The following IL27RA variants were observed in gnomAD, a reference collection of about 807,000 sequenced individuals.
The protein encoded by IL27RA is interleukin-27 receptor subunit alpha.
Under a neutral mutation model 80.8 loss-of-function variants are expected in IL27RA, and 61 were observed. The observed-to-expected ratio is 0.76, with a 90% CI of 0.61 to 0.93. The LOEUF is 0.93. IL27RA is among the 40% of genes least tolerant of loss of function. The pLI, the probability that IL27RA is intolerant of heterozygous loss-of-function variation, is 0.00. For synonymous variants in IL27RA, 316 were observed against 332.5 expected, an observed-to-expected ratio of 0.95 and a Z score of 0.54; for missense variants, 735 against 808.1, an observed-to-expected ratio of 0.91 and a Z score of 1.10.
At position 14,051,973 on chromosome 19, in the gene IL27RA, G is replaced by C. The variant is rs775010211; in HGVS notation, c.1716G>C (p.Glu572Asp). 2 of 1,584,018 alleles carry C rather than the reference G, an allele frequency of 1.3e-6. No individual in the cohort carries two copies. The highest frequency in any genetic ancestry group is 2.7e-5 in the African/African-American group (2 of 74,406). The change falls in exon 13 of 14, where the codon GAG (glutamate) becomes GAC (aspartate). Residue 572 changes from glutamate to aspartate, a missense_variant and splice_region_variant. Coordinates refer to ENST00000263379, the MANE Select transcript of IL27RA (RefSeq NM_004843.4). ...ANSSSGQPHM[E>D]QVPEAQPLGD... Reference sequence around the variant, plus strand: ...GCAGTTCAGGCCAGCCCCACATGGAGGTGAGTCAAAGGGCCGGCTAGTCGG... The same window carrying C: ...GCAGTTCAGGCCAGCCCCACATGGACGTGAGTCAAAGGGCCGGCTAGTCGG...
intron 2 of IL27RA, among the ~76,000 whole-genome samples, chr19:14,036,289 C>A (rs1288324292): frequency 1.3e-5 from 2 of 151,964 alleles, no homozygotes; most frequent in Non-Finnish European, 2.9e-5. Flanking sequence ...CTATGCCCAG[C>A]CTGAGATTTT....
At chr19:14,051,747 C>T (rs1976168747) in intron 12 of IL27RA, 47 bp downstream of exon 12, 1 of 1,497,508 alleles carries the variant, frequency 6.7e-7, no homozygotes, top group Admixed American at 1.8e-5. Context: ...GGGAAGGCAG[C>T]TGGGCATTTT....
intron 4 of IL27RA, among the ~76,000 whole-genome samples, chr19:14,041,909 T>C (rs535032997): frequency 3.2e-4 from 49 of 151,662 alleles, no homozygotes; most frequent in Admixed American, 6.6e-4. Context: ...CTACTAAAAA[T>C]ACAAAAATTG....
intron 8 of IL27RA, among the ~76,000 whole-genome samples, chr19:14,048,017 G>A (rs1976096107): frequency 6.7e-6 from 1 of 149,694 alleles, no homozygotes; most frequent in Non-Finnish European, 1.5e-5. Flanking sequence ...GAGTGCAGTG[G>A]CGTGATCTCA....
At chr19:14,047,802 C>T (rs551902631) in intron 8 of IL27RA, among the ~76,000 whole-genome samples, 60 of 150,368 alleles carry the variant, frequency 4.0e-4, no homozygotes, top group East Asian at 1.6e-3. Context: ...TACAGGCGCC[C>T]GCCACCACGC....
chr19:14,039,972 T>C (rs1975966969), intron 4 of IL27RA, 62 bp downstream of exon 4: 4 of 1,527,208 alleles, frequency 2.6e-6, no homozygotes, highest in South Asian at 1.2e-5. Flanking sequence ...CAACATCTCC[T>C]AATCTGAGAC....
At position 14,042,379 on chromosome 19, in the gene IL27RA, A is replaced by G. The variant is rs1330997662; in HGVS notation, c.535-74A>G. The G allele has an allele frequency of 1.3e-4, 127 of 986,236 alleles. 1 individual carries two copies. In the East Asian group the frequency reaches 4.0e-3, roughly 31 times the overall value. The allele number at this position is 986,236 out of a possible 1,614,324, so 61.1% of individuals were successfully genotyped here. A position where few individuals can be genotyped will look rare whatever the true frequency, so the allele number is the denominator to read the frequency against. On this transcript the variant is annotated intron_variant, in intron 4 of 13. Coordinates refer to ENST00000263379, the MANE Select transcript of IL27RA (RefSeq NM_004843.4). Reference sequence around the variant, plus strand: ...ACTGTCTCAAAACGAAAAACAAAGGAAAAAAAAAAAGATAAGTTCAAATAC... The same window carrying G: ...ACTGTCTCAAAACGAAAAACAAAGGGAAAAAAAAAAGATAAGTTCAAATAC...
chr19:14,031,947 G>A lies in IL27RA; in HGVS notation c.75G>A (p.Val25=). 6.2e-7 allele frequency: 1 copy of A among 1,611,072 alleles called. No individual in the cohort carries two copies. Among genetic ancestry groups the A allele is most frequent in the Non-Finnish European group, 8.5e-7 (1 of 1,178,760 alleles). Residue 25 remains valine, a synonymous_variant, in exon 1 of 14, where the codon GTG becomes GTA. Transcript: ENST00000263379. ...TGGCGCTGCTGCCTCTGTTGTGGGT[G>A]CTTTTCCAGCGGACGCGTCCCCAGG... ...PKLALLPLLW[V]LFQRTRPQGS...
intron 6 of IL27RA, among the ~76,000 whole-genome samples, chr19:14,043,313 TAAG>T (rs918483518): frequency 6.6e-6 from 1 of 151,990 alleles, no homozygotes; most frequent in African/African-American, 2.4e-5. Flanking sequence ...GTCTGAGCCA[TAAG>T]GATGGGTGCA....
chr19:14,048,509 T>C (rs1295078342), intron 8 of IL27RA, among the ~76,000 whole-genome samples: 2 of 152,130 alleles, frequency 1.3e-5, no homozygotes, highest in Non-Finnish European at 2.9e-5. Flanking sequence ...CCTGCTCATA[T>C]CTGTTTGACC....
intron 2 of IL27RA, among the ~76,000 whole-genome samples, chr19:14,035,783 T>G (rs971320765): frequency 1.6e-4 from 24 of 151,952 alleles, no homozygotes; most frequent in Non-Finnish European, 8.8e-5. Context: ...ATTTATGTAT[T>G]GATTTTATTT....
At position 14,052,336 on chromosome 19, in the gene IL27RA, C is replaced by T. The variant is rs951935028; in HGVS notation, c.*46C>T. 7.2e-7 allele frequency: 1 copy of T among 1,396,066 alleles called. No homozygotes were observed. Among genetic ancestry groups the T allele is most frequent in the Non-Finnish European group, 9.5e-7 (1 of 1,053,926 alleles). The allele number at this position is 1,396,066 out of a possible 1,614,324, so 86.5% of individuals were successfully genotyped here. On this transcript the variant is annotated 3_prime_UTR_variant, in exon 14 of 14. Transcript: ENST00000263379. ...CTGCCAGCCAGGCTAGAGGGATGCT[C>T]ATGCAGGTTGCACCCCAGTCCTGGA...
chr19:14,047,789 G>C (rs570097311), intron 8 of IL27RA, among the ~76,000 whole-genome samples: 64 of 151,088 alleles, frequency 4.2e-4, no homozygotes, highest in African/African-American at 1.5e-3. Flanking sequence ...GAGCAACTGG[G>C]AGTACAGGCG....
Position 14,039,612 on chromosome 19 carries a change from C to T in IL27RA, c.323C>T (p.Thr108Ile), listed in dbSNP as rs1455863091. The change falls in exon 3 of 14, where the codon ACT (threonine) becomes ATT (isoleucine). Residue 108 changes from threonine to isoleucine, a missense_variant. Physicochemically the swap from Thr to Ile is moderately conservative, Grantham distance 89. Coordinates refer to ENST00000263379, the MANE Select transcript of IL27RA (RefSeq NM_004843.4). The part of the protein sequence containing the change: ...TMSDKLLVWG[T>I]KAGQPLWPPV... The stretch of plus-strand genomic sequence containing the variant: ...TCTGACAAACTCCTTGTCTGGGGCA[C>T]TAAGGCAGGCCAGCCTCTCTGGCCC... 2.5e-6 allele frequency: 4 copies of T among 1,614,084 alleles called. No individual in the cohort carries two copies. Among genetic ancestry groups the T allele is most frequent in the African/African-American group, 1.3e-5 (1 of 74,948 alleles).
At position 14,039,396 on chromosome 19, in the gene IL27RA, G is replaced by T. The variant is rs576167153; in HGVS notation, c.219-112G>T. 16 of 1,206,782 alleles carry T rather than the reference G, an allele frequency of 1.3e-5. No individual in the cohort carries two copies. In the South Asian group the frequency reaches 2.5e-4, roughly 19 times the overall value. 74.8% of individuals were successfully genotyped at this position (1,206,782 alleles called of 1,614,324 possible). A position where few individuals can be genotyped will look rare whatever the true frequency, so the allele number is the denominator to read the frequency against. ...ACACAGCTCTGAAGCAGCAGAGGTG[G>T]GATTTGAACCCAAGCAGAGCAGGCT... On this transcript the variant is annotated intron_variant, in intron 2 of 13. Transcript: ENST00000263379.
chr19:14,033,513 T>C (rs1466728905), intron 2 of IL27RA, among the ~76,000 whole-genome samples: 1 of 148,222 alleles, frequency 6.7e-6, no homozygotes, highest in Non-Finnish European at 1.5e-5. Context: ...GGCAGATTAC[T>C]TGAGGTCAGG....
At position 14,052,557 on chromosome 19, in the gene IL27RA, G is replaced by T; in HGVS notation, c.*267G>T. On this transcript the variant is annotated 3_prime_UTR_variant, in exon 14 of 14. Coordinates refer to ENST00000263379, the MANE Select transcript of IL27RA (RefSeq NM_004843.4). Reference sequence around the variant, plus strand: ...GAGTGGCAGCTGCCTGCCAAAATCTGTTCCGCTGTAACAGAACTGAATTTG... The same window carrying T: ...GAGTGGCAGCTGCCTGCCAAAATCTTTTCCGCTGTAACAGAACTGAATTTG... 1 of 388,980 alleles carries T rather than the reference G, an allele frequency of 2.6e-6. No individual in the cohort carries two copies. Among genetic ancestry groups the T allele is most frequent in the Non-Finnish European group, 4.6e-6 (1 of 218,472 alleles). 24.1% of individuals were successfully genotyped at this position (388,980 alleles called of 1,614,324 possible). A position where few individuals can be genotyped will look rare whatever the true frequency, so the allele number is the denominator to read the frequency against.
Position 14,049,215 on chromosome 19 carries a change from A to G in IL27RA, c.1303A>G (p.Ile435Val). 2 of 1,614,066 alleles carry G rather than the reference A, an allele frequency of 1.2e-6. No individual in the cohort carries two copies. The highest frequency in any genetic ancestry group is 1.7e-6 in the Non-Finnish European group (2 of 1,179,982). The change falls in exon 10 of 14, where the codon ATA becomes GTA. Residue 435 changes from isoleucine (I) to valine (V), a missense_variant. Ile to Val is a conservative substitution (Grantham distance 29, BLOSUM62 3). Transcript: ENST00000263379. ...AGATGCCCCTCCAGGGACCCCCGCC[A>G]TAGCGTGGGGAGAGGTCCCAAGGCA... ...LQDAPPGTPA[I>V]AWGEVPRHQL...
intron 11 of IL27RA, among the ~76,000 whole-genome samples, 163 bp downstream of exon 11, chr19:14,051,046 C>T (rs962085714): frequency 8.6e-5 from 13 of 151,934 alleles, no homozygotes; most frequent in East Asian, 3.9e-4. Context: ...CCCAGGAGCT[C>T]GAGACCAGCC....
Sources: allele counts gnomAD v4.1 joint callset (sites outside exome capture counted in the v4.1 genomes callset), GRCh38; gene constraint gnomAD v4.1.1; transcripts MANE v1.5; gene names NCBI Gene and HGNC (gene_info 2026-07-23, HGNC 2026-07-21).